MRTFA: variants seen among roughly 807,000 people sequenced by gnomAD.
MRTFA encodes myocardin-related transcription factor A.
MRTFA carries 20 observed loss-of-function variants against 83.5 expected under a neutral mutation model. The observed-to-expected ratio is 0.24, with a 90% CI of 0.17 to 0.35. MRTFA has a LOEUF of 0.35. Ranked by LOEUF, MRTFA falls within the 10% of genes least tolerant of loss-of-function variation. The probability of loss-of-function intolerance (pLI) is 1.00; values close to 1 mark genes in which losing one functional copy is unlikely to be tolerated. For missense variants in MRTFA, 1,200 were observed against 1,224.7 expected (o/e 0.98, Z 0.30); for synonymous variants, 659 against 541.2 (o/e 1.22, Z -3.02).
chr22:40,628,449 A>T (rs2056604791), intron 1 of MRTFA, among the ~76,000 whole-genome samples: 1 of 152,224 alleles, frequency 6.6e-6, no homozygotes, highest in Non-Finnish European at 1.5e-5. Context: ...ATTTCCACTC[A>T]TAATTTTAGA....
chr22:40,463,086 G>T, intron 4 of MRTFA, 135 bp downstream of exon 4: 1 of 765,846 alleles, frequency 1.3e-6, no homozygotes, highest in Non-Finnish European at 2.2e-6. Context: ...AACTTGGAAA[G>T]TCATGAGAAA....
In MRTFA at chr22:40,636,631, T is replaced by C. The variant is rs2056704918; in HGVS notation, c.-237A>G. The C allele has an allele frequency of 6.6e-6, 1 of 151,822 alleles. No homozygotes were observed. The highest frequency in any genetic ancestry group is 6.5e-5 in the Admixed American group (1 of 15,272). The allele number at this position is 151,822 out of a possible 1,614,324, so 9.4% of individuals were successfully genotyped here. A position where few individuals can be genotyped will look rare whatever the true frequency, so the allele number is the denominator to read the frequency against. ...GTGTGGCCAGCGGCAACCAAGAGGG[T>C]GGGAAAGATGGGACCGTCGCTCTCG... On this transcript the variant is annotated 5_prime_UTR_variant, in exon 1 of 15. Coordinates refer to ENST00000355630, the MANE Select transcript of MRTFA (RefSeq NM_020831.6).
chr22:40,527,086 A>G (rs2054988765), intron 3 of MRTFA, among the ~76,000 whole-genome samples: 1 of 151,970 alleles, frequency 6.6e-6, no homozygotes, highest in Admixed American at 6.6e-5. Flanking sequence ...TGATCACACT[A>G]CTGCACTCTA....
At chr22:40,616,286 C>A (rs1049181668) in intron 1 of MRTFA, among the ~76,000 whole-genome samples, 2 of 152,062 alleles carry the variant, frequency 1.3e-5, no homozygotes, top group African/African-American at 4.8e-5. Flanking sequence ...CATGATATAC[C>A]CAATACCATT....
chr22:40,601,318 G>A (rs1380594735), intron 1 of MRTFA, among the ~76,000 whole-genome samples: 1 of 152,060 alleles, frequency 6.6e-6, no homozygotes, highest in Non-Finnish European at 1.5e-5. Flanking sequence ...TGGCTCAAGT[G>A]CTCCTCCCTG....
At chr22:40,485,943 G>A (rs2054168151) in intron 3 of MRTFA, among the ~76,000 whole-genome samples, 1 of 152,186 alleles carries the variant, frequency 6.6e-6, no homozygotes, top group South Asian at 2.1e-4. Flanking sequence ...GTTCTTGCTA[G>A]AGCACAGCCA....
chr22:40,473,459 A>G (rs1305648272), intron 3 of MRTFA, among the ~76,000 whole-genome samples: 1 of 152,110 alleles, frequency 6.6e-6, no homozygotes, highest in East Asian at 1.9e-4. Context: ...GTACCCAGCC[A>G]ATATTAACTG....
At chr22:40,521,029 G>T (rs894874103) in intron 3 of MRTFA, among the ~76,000 whole-genome samples, 1 of 151,786 alleles carries the variant, frequency 6.6e-6, no homozygotes, top group Non-Finnish European at 1.5e-5. Context: ...CACATAATAA[G>T]AAATAATAAA....
intron 3 of MRTFA, among the ~76,000 whole-genome samples, chr22:40,544,294 G>A (rs1049327533): frequency 1.3e-5 from 2 of 152,134 alleles, no homozygotes; most frequent in African/African-American, 2.4e-5. Flanking sequence ...GAGTACAGTG[G>A]CATGATTATA....
chr22:40,578,181 T>C (rs1410189020), intron 2 of MRTFA, among the ~76,000 whole-genome samples: 1 of 152,082 alleles, frequency 6.6e-6, no homozygotes, highest in Non-Finnish European at 1.5e-5. Flanking sequence ...CTCGAACTCC[T>C]GACCTCAAGT....
At chr22:40,528,521 T>C (rs936062325) in intron 3 of MRTFA, among the ~76,000 whole-genome samples, 4 of 152,012 alleles carry the variant, frequency 2.6e-5, no homozygotes, top group African/African-American at 9.7e-5. Flanking sequence ...GCGGATCACC[T>C]GAGGTCAGGA....
intron 3 of MRTFA, among the ~76,000 whole-genome samples, chr22:40,494,293 A>T (rs542494926): frequency 1.2e-4 from 19 of 152,300 alleles, no homozygotes; most frequent in Admixed American, 9.2e-4. Flanking sequence ...CATTAAAACT[A>T]CTAGGTTAAA....
chr22:40,441,174 T>G (rs1181501798), intron 4 of MRTFA, among the ~76,000 whole-genome samples: 1 of 152,178 alleles, frequency 6.6e-6, no homozygotes, highest in Admixed American at 6.5e-5. Flanking sequence ...AGGAGCTGGT[T>G]CCATTGGAGC....
intron 14 of MRTFA, among the ~76,000 whole-genome samples, chr22:40,415,845 A>G (rs1406341717): frequency 6.6e-6 from 1 of 151,092 alleles, no homozygotes; most frequent in Non-Finnish European, 1.5e-5. Context: ...CTCGGTCCTC[A>G]GCTCCCTTGG....
At chr22:40,571,207 CA>C (rs948786910) in intron 2 of MRTFA, among the ~76,000 whole-genome samples, 4 of 151,006 alleles carry the variant, frequency 2.6e-5, no homozygotes, top group African/African-American at 7.3e-5. Flanking sequence ...GACCCTCTCT[CA>C]AAAAAAATAA....
chr22:40,419,051 G>A lies in MRTFA; in HGVS notation c.1687C>T (p.Leu563Phe). The change falls in exon 12 of 15, where the codon CTC (leucine) becomes TTC (phenylalanine). Residue 563 changes from leucine (L) to phenylalanine (F), a missense_variant. By Grantham distance (22) the Leu-to-Phe change is conservative. Transcript: ENST00000355630. Reference sequence around the variant, plus strand: ...GTGGAGTTTTCATCGCCCGTGCTGAGCAGTGAGCGCTCCGAGGGGGTGGGA... The same window carrying A: ...GTGGAGTTTTCATCGCCCGTGCTGAACAGTGAGCGCTCCGAGGGGGTGGGA... 6.2e-7 allele frequency: 1 copy of A among 1,611,508 alleles called. No individual in the cohort carries two copies. Among genetic ancestry groups the A allele is most frequent in the Non-Finnish European group, 8.5e-7 (1 of 1,179,428 alleles).
chr22:40,417,672 G>T (rs2413622), intron 12 of MRTFA, 179 bp from the exon 13 acceptor site: 10 of 587,828 alleles, frequency 1.7e-5, no homozygotes, highest in Admixed American at 6.2e-5. Flanking sequence ...AATACAGGAT[G>T]GGGGGCCCTC....
At chr22:40,618,468 C>G (rs73169071) in intron 1 of MRTFA, among the ~76,000 whole-genome samples, 2 of 151,578 alleles carry the variant, frequency 1.3e-5, no homozygotes, top group Non-Finnish European at 1.5e-5. Context: ...GTAAACCATG[C>G]GAAGGGAGAG....
At chr22:40,459,810 C>CAT (rs2053666244) in intron 4 of MRTFA, among the ~76,000 whole-genome samples, 1 of 115,098 alleles carries the variant, frequency 8.7e-6, no homozygotes, top group Non-Finnish European at 1.7e-5. Context: ...CACACACACA[C>CAT]ACACACACAC....
Sources: gnomAD v4.1 joint callset for allele counts (sites outside exome capture counted in the v4.1 genomes callset) on GRCh38, gnomAD v4.1.1 for gene constraint, MANE v1.5 for transcripts, NCBI Gene and HGNC (gene_info 2026-07-23, HGNC 2026-07-21) for gene names.